DNAH11: variants seen among roughly 807,000 people sequenced by gnomAD.
The protein encoded by DNAH11 is axonemal beta dynein heavy chain 11.
Under a neutral mutation model 526.0 loss-of-function variants are expected in DNAH11, and 442 were observed. That is an observed-to-expected ratio of 0.84 (90% confidence interval 0.78 to 0.91). The LOEUF (loss-of-function observed/expected upper bound fraction) is 0.91, where lower values mean the gene tolerates loss of function less well. Among genes scored for constraint, DNAH11 ranks in the 40% least tolerant of loss-of-function variants. DNAH11 has a pLI of 0.00. For missense variants in DNAH11, 6,989 were observed against 5,448.7 expected, an observed-to-expected ratio of 1.28 and a Z score of -8.90; for synonymous variants, 2,461 against 1,935.9, an observed-to-expected ratio of 1.27 and a Z score of -7.12.
chr7:21,726,618 T>C (rs529122469), intron 45 of DNAH11, among the ~76,000 whole-genome samples: 9 of 151,596 alleles, frequency 5.9e-5, no homozygotes, highest in African/African-American at 1.7e-4. Context: ...TCCCAGCACT[T>C]TGGGAGGCCG....
intron 76 of DNAH11, among the ~76,000 whole-genome samples, chr7:21,885,012 C>A (rs1046275803): frequency 1.3e-5 from 2 of 151,416 alleles, no homozygotes; most frequent in South Asian, 4.2e-4. Flanking sequence ...ACGATGTACA[C>A]GTGTATCAAA....
chr7:21,545,236 G>C, intron 2 of DNAH11, 87 bp downstream of exon 2: 2 of 773,334 alleles, frequency 2.6e-6, no homozygotes, highest in Non-Finnish European at 3.5e-6. Context: ...ATTAAAAAAA[G>C]AAGAGCTAGG....
chr7:21,894,907 T>C lies in DNAH11; in HGVS notation c.12957T>C (p.Ala4319=), dbSNP rs1325610524. The C allele has an allele frequency of 1.2e-6, 2 of 1,614,040 alleles. No homozygotes were observed. Among genetic ancestry groups the C allele is most frequent in the South Asian group, 1.1e-5 (1 of 91,084 alleles). ...AGGGGGAATTGGCATTATCTCCTGC[T>C]GTGGAAGCCCAGCAGTTTGCATTGA... ...SLKGELALSP[A]VEAQQFALSY... is the part of the protein sequence containing the mutation. Residue 4319 remains alanine, a synonymous_variant, in exon 79 of 82, where the codon GCT becomes GCC. Coordinates refer to ENST00000409508, the MANE Select transcript of DNAH11 (RefSeq NM_001277115.2).
At chr7:21,836,911 G>A (rs946079339) in intron 65 of DNAH11, among the ~76,000 whole-genome samples, 1 of 151,836 alleles carries the variant, frequency 6.6e-6, no homozygotes, top group Non-Finnish European at 1.5e-5. Flanking sequence ...AAAATGAAAA[G>A]GATGTGATTC....
intron 35 of DNAH11, 40 bp downstream of exon 35, chr7:21,690,921 A>T (rs1446695144): frequency 1.4e-6 from 2 of 1,427,670 alleles, no homozygotes; most frequent in South Asian, 2.4e-5. Context: ...TGGTGCACTC[A>T]TGCCACCTAA....
At chr7:21,703,086 G>GT (rs1784129963) in intron 37 of DNAH11, among the ~76,000 whole-genome samples, 2 of 152,322 alleles carry the variant, frequency 1.3e-5, no homozygotes, top group African/African-American at 4.8e-5. Context: ...AGTAATCACT[G>GT]TTTGATTTCC....
chr7:21,615,085 G>T (rs1245632536), intron 20 of DNAH11, 29 bp from the exon 21 acceptor site: 2 of 1,574,590 alleles, frequency 1.3e-6, no homozygotes, highest in Admixed American at 1.9e-5. Flanking sequence ...CTGGCAGTTT[G>T]TATGCAGGTG....
At chr7:21,653,553 T>C (rs1165977287) in intron 28 of DNAH11, among the ~76,000 whole-genome samples, 1 of 152,180 alleles carries the variant, frequency 6.6e-6, no homozygotes, top group Non-Finnish European at 1.5e-5. Flanking sequence ...CAGTTGAATA[T>C]TATCTAGGCC....
At chr7:21,900,224 A>G (rs1784718378) in intron 81 of DNAH11, 104 bp downstream of exon 81, 12 of 1,244,384 alleles carry the variant, frequency 9.6e-6, no homozygotes, top group South Asian at 7.8e-5. Flanking sequence ...CTCACACAGT[A>G]ACCTTATGCT....
chr7:21,702,684 A>G, intron 36 of DNAH11, 26 bp from the exon 37 acceptor site: 3 of 1,601,048 alleles, frequency 1.9e-6, no homozygotes, highest in Non-Finnish European at 2.6e-6. Flanking sequence ...ACAATTTTTG[A>G]GAAAATAAAC....
chr7:21,598,218 C>T (rs1311417155), intron 14 of DNAH11, among the ~76,000 whole-genome samples: 2 of 152,170 alleles, frequency 1.3e-5, no homozygotes, highest in Admixed American at 6.5e-5. Flanking sequence ...AGCTCTTATT[C>T]CAATGTCTCT....
chr7:21,825,523 A>G (rs1790247526), intron 65 of DNAH11, among the ~76,000 whole-genome samples: 1 of 152,092 alleles, frequency 6.6e-6, no homozygotes, highest in East Asian at 1.9e-4. Context: ...ACTGAGAGAG[A>G]CTTTTATGCT....
At chr7:21,566,642 ACT>A (rs1783679773) in intron 6 of DNAH11, among the ~76,000 whole-genome samples, 1 of 150,398 alleles carries the variant, frequency 6.6e-6, no homozygotes, top group Non-Finnish European at 1.5e-5. Flanking sequence ...AAGATAAGTA[ACT>A]CTCCAACCCA....
intron 62 of DNAH11, among the ~76,000 whole-genome samples, chr7:21,805,926 C>A (rs946280450): frequency 1.5e-4 from 23 of 152,136 alleles, no homozygotes; most frequent in African/African-American, 5.3e-4. Flanking sequence ...ATCGCATTGA[C>A]CTGGAAGCTC....
chr7:21,550,482 G>T (rs536147970), intron 2 of DNAH11, among the ~76,000 whole-genome samples: 43 of 152,286 alleles, frequency 2.8e-4, no homozygotes, highest in African/African-American at 9.9e-4. Flanking sequence ...ATAATAACTT[G>T]TAGAGGGATA....
rs756423819 is a variant in DNAH11 at position 21,687,507 on chromosome 7, C to T, written c.5904C>T (p.Ala1968=). The T allele has an allele frequency of 6.2e-7, 1 of 1,613,454 alleles. No homozygotes were observed. Among genetic ancestry groups the T allele is most frequent in the Non-Finnish European group, 8.5e-7 (1 of 1,179,734 alleles). Residue 1968 remains alanine, a synonymous_variant, in exon 34 of 82, where the codon GCC becomes GCT. Transcript: ENST00000409508. ...TACAAGTGAAAATGATTCATGATGC[C>T]ATCAGAAACAGGAAGAAGAGGTGAG... ...VAVQVKMIHD[A]IRNRKKRFVF... is the part of the protein sequence containing the mutation.
chr7:21,892,568 C>T lies in DNAH11; in HGVS notation c.12651C>T (p.Phe4217=), dbSNP rs1218615898. Residue 4217 remains phenylalanine, a synonymous_variant, in exon 77 of 82, where the codon TTC becomes TTT. Transcript: ENST00000409508. ...TCCACCCAAATGCTGAAATAGAATT[C>T]CTGACAGTGACATCCAACACTCTCT... The part of the protein sequence containing the change: ...YGLHPNAEIE[F]LTVTSNTLFR... 6.2e-7 allele frequency: 1 copy of T among 1,613,972 alleles called. No homozygotes were observed. Among genetic ancestry groups the T allele is most frequent in the Non-Finnish European group, 8.5e-7 (1 of 1,179,876 alleles).
chr7:21,702,336 A>T (rs769281209), intron 36 of DNAH11, among the ~76,000 whole-genome samples: 4 of 152,112 alleles, frequency 2.6e-5, no homozygotes, highest in Admixed American at 6.5e-5. Flanking sequence ...GCCCTTGATG[A>T]AACCAGCACA....
chr7:21,815,135 C>T (rs1170553093), intron 63 of DNAH11, among the ~76,000 whole-genome samples: 1 of 152,082 alleles, frequency 6.6e-6, no homozygotes, highest in Non-Finnish European at 1.5e-5. Flanking sequence ...AGAGTAGGTA[C>T]TCAAACTATG....
Sources: gnomAD v4.1 joint callset for allele counts (sites outside exome capture counted in the v4.1 genomes callset) on GRCh38, gnomAD v4.1.1 for gene constraint, MANE v1.5 for transcripts, NCBI Gene and HGNC (gene_info 2026-07-23, HGNC 2026-07-21) for gene names.